PPFIA1: variants seen among roughly 807,000 people sequenced by gnomAD.
The protein encoded by PPFIA1 is PPFI scaffold protein A1.
PPFIA1 carries 25 observed loss-of-function variants against 149.9 expected under a neutral mutation model. The observed-to-expected ratio is 0.17, with a 90% CI of 0.12 to 0.23. PPFIA1 has a LOEUF of 0.23. Ranked by LOEUF, PPFIA1 falls within the 10% of genes least tolerant of loss-of-function variation. The pLI is 1.00. For missense variants in PPFIA1, 1,362 were observed against 1,506.5 expected, an observed-to-expected ratio of 0.90 and a Z score of 1.59; for synonymous variants, 549 against 552.8, an observed-to-expected ratio of 0.99 and a Z score of 0.10.
chr11:70,366,145 C>T (rs932597421), intron 21 of PPFIA1, among the ~76,000 whole-genome samples: 4 of 152,138 alleles, frequency 2.6e-5, no homozygotes, highest in Admixed American at 1.3e-4. Flanking sequence ...TCAAAGAGTA[C>T]GTCTCATGGA....
chr11:70,347,814 C>T (rs2055807085), intron 15 of PPFIA1, among the ~76,000 whole-genome samples: 2 of 151,938 alleles, frequency 1.3e-5, no homozygotes, highest in Admixed American at 1.3e-4. Flanking sequence ...CCAGCCTGGC[C>T]AACATGGTGA....
intron 25 of PPFIA1, among the ~76,000 whole-genome samples, chr11:70,377,210 C>T (rs1266604629): frequency 6.6e-6 from 1 of 152,076 alleles, no homozygotes; most frequent in Non-Finnish European, 1.5e-5. Flanking sequence ...TTGGTTGCAG[C>T]TTAGGAACAG....
intron 2 of PPFIA1, among the ~76,000 whole-genome samples, chr11:70,295,867 G>A (rs2051959331): frequency 6.8e-6 from 1 of 147,304 alleles, no homozygotes; most frequent in Non-Finnish European, 1.5e-5. Context: ...TGGGCGGAGG[G>A]GCTCCTCACT....
intron 2 of PPFIA1, among the ~76,000 whole-genome samples, chr11:70,273,889 T>C (rs747270786): frequency 6.6e-6 from 1 of 152,194 alleles, no homozygotes; most frequent in Admixed American, 6.5e-5. Flanking sequence ...ATATACTTAA[T>C]AAGGTAGGTT....
chr11:70,376,866 G>A (rs1220567851), intron 25 of PPFIA1, among the ~76,000 whole-genome samples: 1 of 152,188 alleles, frequency 6.6e-6, no homozygotes, highest in African/African-American at 2.4e-5. Context: ...GAGGTCAGGA[G>A]TTTAAGACCA....
chr11:70,327,146 A>G (rs2136857795), intron 7 of PPFIA1: 1 of 256,174 alleles, frequency 3.9e-6, no homozygotes, highest in African/African-American at 2.3e-5. Context: ...TAGATTCTTC[A>G]TCTGTGCAAT....
intron 2 of PPFIA1, among the ~76,000 whole-genome samples, chr11:70,295,580 C>A (rs915649321): frequency 2.1e-5 from 3 of 143,070 alleles, no homozygotes; most frequent in Admixed American, 6.8e-5. Flanking sequence ...ACCTCCCTCC[C>A]GGATGGAGCG....
Position 70,341,639 on chromosome 11 carries a change from G to A in PPFIA1, c.1708-2030G>A, listed in dbSNP as rs370030079. ...AGAGATGAAAATTGGGGCATTTTGC[G>A]CATATGGATGGTATTAAGAAACATG... On this transcript the variant is annotated intron_variant, in intron 14 of 27. Transcript: ENST00000253925. 1.1e-4 allele frequency among the ~76,000 whole-genome samples: 17 copies of A among 152,272 alleles called. 1 individual carries two copies. Among genetic ancestry groups the A allele is most frequent in the East Asian group, 5.8e-4 (3 of 5,174 alleles).
intron 21 of PPFIA1, chr11:70,365,208 A>C: frequency 7.2e-6 from 2 of 276,300 alleles, no homozygotes; most frequent in South Asian, 6.5e-5. Flanking sequence ...CCCAGTGTTA[A>C]CAGGGAATGG....
At chr11:70,289,856 C>T (rs187046559) in intron 2 of PPFIA1, among the ~76,000 whole-genome samples, 104 of 152,248 alleles carry the variant, frequency 6.8e-4, no homozygotes, top group African/African-American at 2.5e-3. Context: ...GTGGGAGGAT[C>T]GCTTGAGACC....
intron 2 of PPFIA1, among the ~76,000 whole-genome samples, chr11:70,306,814 A>T (rs986140265): frequency 3.3e-5 from 5 of 152,262 alleles, no homozygotes; most frequent in Non-Finnish European, 7.3e-5. Flanking sequence ...TTCATATTAT[A>T]GATTGTCACC....
intron 21 of PPFIA1, 182 bp downstream of exon 21, chr11:70,362,670 A>C: frequency 2.1e-6 from 1 of 473,504 alleles, no homozygotes; most frequent in Non-Finnish European, 3.5e-6. Flanking sequence ...GGTCAAAAGA[A>C]ACTTTATTAA....
At chr11:70,303,033 C>G (rs761016299) in intron 2 of PPFIA1, among the ~76,000 whole-genome samples, 2 of 152,186 alleles carry the variant, frequency 1.3e-5, no homozygotes, top group Non-Finnish European at 2.9e-5. Flanking sequence ...GACCATGTCA[C>G]AGGCTGAAAG....
At chr11:70,359,410 T>TG (rs1275248141) in intron 19 of PPFIA1, among the ~76,000 whole-genome samples, 1 of 152,180 alleles carries the variant, frequency 6.6e-6, no homozygotes, top group Admixed American at 6.5e-5. Flanking sequence ...CAGTGTGCCA[T>TG]GGCAATGGAG....
chr11:70,308,937 G>A lies in PPFIA1; in HGVS notation c.265-15465G>A, dbSNP rs148652358. Among the ~76,000 whole-genome samples the A allele has an allele frequency of 1.8e-4, 27 of 152,188 alleles. No individual in the cohort carries two copies. In the East Asian group the frequency reaches 5.0e-3, roughly 28 times the overall value. ...GACTCTCTCGAAGAGATAAACAAAT[G>A]TAAGAATAAAAAGGTGATTGTAGAA... On this transcript the variant is annotated intron_variant, in intron 2 of 27. Transcript: ENST00000253925.
intron 27 of PPFIA1, 79 bp downstream of exon 27, chr11:70,382,237 G>GGGT: frequency 9.0e-7 from 1 of 1,107,642 alleles, no homozygotes; most frequent in South Asian, 1.4e-5. Context: ...GCCAGACTAG[G>GGGT]GGTGTGGACC....
intron 21 of PPFIA1, among the ~76,000 whole-genome samples, chr11:70,369,413 G>A (rs80177798): frequency 0.021 from 3,254 of 152,246 alleles, 116 homozygotes; most frequent in African/African-American, 0.073. Flanking sequence ...GGATCTGCCT[G>A]AGGGCTACTG....
intron 2 of PPFIA1, among the ~76,000 whole-genome samples, chr11:70,307,678 T>C: frequency 6.6e-6 from 1 of 152,188 alleles, no homozygotes; most frequent in South Asian, 2.1e-4. Flanking sequence ...CCTAGCACTT[T>C]GGGAAGCCAT....
intron 2 of PPFIA1, among the ~76,000 whole-genome samples, chr11:70,314,228 G>T (rs918221522): frequency 6.6e-6 from 1 of 152,192 alleles, no homozygotes; most frequent in South Asian, 2.1e-4. Context: ...CTACCCAGTA[G>T]ATGAGGACTG....
Sources: gnomAD v4.1 joint callset for allele counts (sites outside exome capture counted in the v4.1 genomes callset) on GRCh38, gnomAD v4.1.1 for gene constraint, MANE v1.5 for transcripts, NCBI Gene and HGNC (gene_info 2026-07-23, HGNC 2026-07-21) for gene names.